ATP8A1: variants seen among roughly 807,000 people sequenced by gnomAD.
The protein encoded by ATP8A1 is phospholipid-transporting ATPase IA.
ATP8A1 carries 90 observed loss-of-function variants against 177.7 expected under a neutral mutation model. That is an observed-to-expected ratio of 0.51 (90% CI 0.43 to 0.60). ATP8A1 has a LOEUF of 0.60. Among genes scored for constraint, ATP8A1 ranks in the 20% least tolerant of loss-of-function variants. ATP8A1 has a pLI of 0.00. For synonymous variants in ATP8A1, 493 were observed against 485.9 expected, an observed-to-expected ratio of 1.01 and a Z score of -0.19; for missense variants, 1,072 against 1,392.8, an observed-to-expected ratio of 0.77 and a Z score of 3.67.
chr4:42,585,210 A>C (rs563241598), intron 9 of ATP8A1, among the ~76,000 whole-genome samples: 1 of 152,068 alleles, frequency 6.6e-6, no homozygotes, highest in Admixed American at 6.5e-5. Context: ...GACCACCCTA[A>C]CAAAAAGTTG....
In ATP8A1 at chr4:42,486,151, C is replaced by T. The variant is rs139162992; in HGVS notation, c.2152-483G>A. 4.9e-3 allele frequency among the ~76,000 whole-genome samples: 749 copies of T among 152,290 alleles called. 7 individuals carry two copies. Among genetic ancestry groups the T allele is most frequent in the African/African-American group, 0.017 (722 of 41,556 alleles). ...TTATAACCTGACGCGTTCACCCCAC[C>T]GCTGTGTCCGGTTTCCATTGGCTGG... On this transcript the variant is annotated intron_variant, in intron 24 of 36. Transcript: ENST00000381668.
chr4:42,503,356 G>C, intron 24 of ATP8A1, 94 bp downstream of exon 24: 1 of 741,374 alleles, frequency 1.3e-6, no homozygotes, highest in Non-Finnish European at 2.2e-6. Context: ...TTGAACCACA[G>C]AAAGATAAAA....
intron 20 of ATP8A1, among the ~76,000 whole-genome samples, chr4:42,538,159 A>G (rs1328964095): frequency 1.3e-5 from 2 of 152,132 alleles, no homozygotes; most frequent in African/African-American, 2.4e-5. Flanking sequence ...CAAAAACATA[A>G]AGTGGGGAAA....
chr4:42,430,755 T>G (rs1715200375), intron 33 of ATP8A1, among the ~76,000 whole-genome samples: 1 of 152,180 alleles, frequency 6.6e-6, no homozygotes, highest in Non-Finnish European at 1.5e-5. Context: ...CTGCATTAGT[T>G]TGTTAGGAAT....
intron 20 of ATP8A1, among the ~76,000 whole-genome samples, chr4:42,526,150 G>A (rs1726648268): frequency 1.3e-5 from 2 of 151,968 alleles, no homozygotes; most frequent in East Asian, 1.9e-4. Flanking sequence ...GATTAAATTC[G>A]GTACTGTATC....
At chr4:42,453,914 A>T (rs1438338163) in intron 29 of ATP8A1, among the ~76,000 whole-genome samples, 1 of 152,256 alleles carries the variant, frequency 6.6e-6, no homozygotes, top group East Asian at 1.9e-4. Context: ...TGCTCACCAT[A>T]GGTAATGAAA....
At chr4:42,563,439 C>T (rs1731043288) in intron 15 of ATP8A1, among the ~76,000 whole-genome samples, 1 of 152,146 alleles carries the variant, frequency 6.6e-6, no homozygotes, top group Admixed American at 6.5e-5. Context: ...GGAAAATTTG[C>T]AGCCTGACAA....
Position 42,410,087 on chromosome 4 carries a change from T to C in ATP8A1, c.*2829A>G, listed in dbSNP as rs796681164. Reference sequence around the variant, plus strand: ...GAGGTGGGAGGACGGGAAGTACATATATCATTTAAAATTTACAACGTTCCT... The same window carrying C: ...GAGGTGGGAGGACGGGAAGTACATACATCATTTAAAATTTACAACGTTCCT... On this transcript the variant is annotated 3_prime_UTR_variant, in exon 37 of 37. Transcript: ENST00000381668. The C allele has an allele frequency of 7.2e-5, 11 of 152,326 alleles. No individual in the cohort carries two copies. The highest frequency in any genetic ancestry group is 2.2e-4 in the African/African-American group (9 of 41,578). 9.4% of individuals were successfully genotyped at this position (152,326 alleles called of 1,614,324 possible).
At chr4:42,617,652 G>A (rs555636578) in intron 4 of ATP8A1, among the ~76,000 whole-genome samples, 4 of 152,242 alleles carry the variant, frequency 2.6e-5, no homozygotes, top group Middle Eastern at 3.4e-3. Context: ...TCCAAAATAC[G>A]AGACAATGGT....
intron 15 of ATP8A1, among the ~76,000 whole-genome samples, chr4:42,558,537 C>T (rs566014840): frequency 6.6e-4 from 101 of 152,284 alleles, no homozygotes; most frequent in African/African-American, 2.3e-3. Flanking sequence ...AATGAAGAAT[C>T]TCTATAGCAA....
In ATP8A1 at chr4:42,578,288, T is replaced by G; in HGVS notation, c.1100A>C (p.Lys367Thr). 1 of 1,607,718 alleles carries G rather than the reference T, an allele frequency of 6.2e-7. No individual in the cohort carries two copies. Among genetic ancestry groups the G allele is most frequent in the Non-Finnish European group, 8.5e-7 (1 of 1,177,114 alleles). The change falls in exon 12 of 37, where the codon AAA becomes ACA. Residue 367 changes from lysine (K) to threonine (T), a missense_variant. This residue lies in a region of ATP8A1 where 20 missense variants were observed against 51.3 expected (regional missense o/e 0.39). Transcript: ENST00000381668. ...ATTTATGAAGTATGCCTGGGTAAAT[T>G]TCACAACTTCTAATGTAACCAATAA... ...ISLLVTLEVV[K>T]FTQAYFINWD...
At chr4:42,558,370 G>T (rs771058918) in intron 15 of ATP8A1, among the ~76,000 whole-genome samples, 1 of 152,300 alleles carries the variant, frequency 6.6e-6, no homozygotes, top group East Asian at 1.9e-4. Flanking sequence ...AGACAATGAC[G>T]TTATGGTATT....
intron 2 of ATP8A1, chr4:42,626,351 G>A (rs967134167): frequency 6.6e-6 from 1 of 152,270 alleles, no homozygotes; most frequent in African/African-American, 2.4e-5. Flanking sequence ...ATTGAGAAAT[G>A]TTCCTCTAGA....
chr4:42,473,820 G>GT (rs35611601), intron 25 of ATP8A1, among the ~76,000 whole-genome samples: 54,757 of 131,466 alleles, frequency 0.42, 10,762 homozygotes, highest in East Asian at 0.59. Context: ...TAATTTTTGT[G>GT]TTTTTTTTTT....
chr4:42,467,702 A>G (rs1365335696), intron 25 of ATP8A1, among the ~76,000 whole-genome samples: 1 of 152,166 alleles, frequency 6.6e-6, no homozygotes, highest in Non-Finnish European at 1.5e-5. Context: ...CGGGAAAACA[A>G]AAGTGGATGA....
At position 42,443,658 on chromosome 4, in the gene ATP8A1, C is replaced by T. The variant is rs1369073845; in HGVS notation, c.3030G>A (p.Ala1010=). 7 of 1,509,058 alleles carry T rather than the reference C, an allele frequency of 4.6e-6. No homozygotes were observed. The highest frequency in any genetic ancestry group is 2.3e-5 in the East Asian group (1 of 44,424). 93.5% of individuals were successfully genotyped at this position (1,509,058 alleles called of 1,614,324 possible). ...CCCAGAGTGCGATGCTCCCCCATAT[C>T]GCTATGTGGCTGAACTGTAGAGCAA... ...TSYWTWFSHI[A]IWGSIALWVV... Residue 1010 remains alanine (A), a synonymous_variant, in exon 33 of 37, where the codon GCG becomes GCA. Coordinates refer to ENST00000381668, the MANE Select transcript of ATP8A1 (RefSeq NM_006095.2).
chr4:42,520,647 T>G (rs1228170150), intron 22 of ATP8A1, among the ~76,000 whole-genome samples: 1 of 152,134 alleles, frequency 6.6e-6, no homozygotes, highest in Non-Finnish European at 1.5e-5. Flanking sequence ...TGTGTATACC[T>G]ATAACATTTA....
At chr4:42,426,056 A>G (rs1022804028) in intron 33 of ATP8A1, among the ~76,000 whole-genome samples, 1 of 152,210 alleles carries the variant, frequency 6.6e-6, no homozygotes, top group African/African-American at 2.4e-5. Flanking sequence ...TGAAAACACA[A>G]CTTGCAGAAG....
chr4:42,614,617 A>G (rs1369053727), intron 5 of ATP8A1, among the ~76,000 whole-genome samples: 1 of 152,092 alleles, frequency 6.6e-6, no homozygotes, highest in East Asian at 1.9e-4. Context: ...TGGCTCATAA[A>G]CCTTCAACAG....
Sources: gnomAD v4.1 joint callset for allele counts (sites outside exome capture counted in the v4.1 genomes callset) on GRCh38, gnomAD v4.1.1 for gene constraint, gnomAD v4.1.1 regional missense constraint, MANE v1.5 for transcripts, NCBI Gene and HGNC (gene_info 2026-07-23, HGNC 2026-07-21) for gene names.